Variants in SNED1 observed in about 807,000 individuals in gnomAD.
The protein encoded by SNED1 is sushi, nidogen and EGF-like domain-containing protein 1.
A neutral mutation model predicts 166.7 loss-of-function variants in SNED1; 81 were observed. The ratio of observed to expected loss-of-function variants is 0.49; its 90% CI spans 0.41 to 0.58. The LOEUF (loss-of-function observed/expected upper bound fraction) is 0.58, where lower values mean the gene tolerates loss of function less well. Among genes scored for constraint, SNED1 ranks in the 20% least tolerant of loss-of-function variants. SNED1 has a pLI of 0.00. For missense variants in SNED1, 1,604 were observed against 2,000.2 expected, an observed-to-expected ratio of 0.80 and a Z score of 3.78; for synonymous variants, 762 against 822.0, an observed-to-expected ratio of 0.93 and a Z score of 1.25.
chr2:241,087,764 T>C, intron 30 of SNED1: 3 of 1,165,388 alleles, frequency 2.6e-6, no homozygotes, highest in Middle Eastern at 3.1e-4. Context: ...AAGCACAGGG[T>C]GTTACGGACA....
intron 26 of SNED1, 89 bp downstream of exon 26, chr2:241,071,967 C>T (rs1354272328): frequency 6.5e-6 from 7 of 1,077,398 alleles, no homozygotes; most frequent in Non-Finnish European, 8.4e-6. Context: ...ACATGATGAG[C>T]CCACCCCCAC....
In SNED1 at chr2:241,071,785, CCT is replaced by C. The variant is rs1362335116; in HGVS notation, c.3735-6_3735-5del. ...GCTCGGACTGTGGTGACCCTCCCACCCTCTCTGCAGGTTCTCGGAGCTTGTGG... is the reference window on the plus strand; with the variant it reads ...GCTCGGACTGTGGTGACCCTCCCACCCTCTGCAGGTTCTCGGAGCTTGTGG... On this transcript the variant is annotated splice_polypyrimidine_tract_variant and intron_variant, in intron 25 of 31. Coordinates refer to ENST00000310397, the MANE Select transcript of SNED1 (RefSeq NM_001080437.3). 1.9e-6 allele frequency: 3 copies of C among 1,586,624 alleles called. No homozygotes were observed. The Admixed American group carries it at 5.1e-5, about 27-fold the overall frequency.
At position 241,049,083 on chromosome 2, in the gene SNED1, G is replaced by A. The variant is rs377075307; in HGVS notation, c.1566G>A (p.Glu522=). The A allele has an allele frequency of 6.2e-7, 1 of 1,613,408 alleles. No homozygotes were observed. ...GCCCAGATGGGGGCTACTGCATGGA[G>A]CACGGCGGGAGCTACCTCTGCGTCT... ...TQCPDGGYCM[E]HGGSYLCVCH... Residue 522 remains glutamate, a synonymous_variant, in exon 11 of 32, where the codon GAG becomes GAA. Transcript: ENST00000310397.
Position 241,051,657 on chromosome 2 carries a change from G to A in SNED1, c.1736-87G>A. 1 of 1,101,824 alleles carries A rather than the reference G, an allele frequency of 9.1e-7. No homozygotes were observed. Among genetic ancestry groups the A allele is most frequent in the Non-Finnish European group, 1.3e-6 (1 of 796,802 alleles). 68.3% of individuals were successfully genotyped at this position (1,101,824 alleles called of 1,614,324 possible). The stretch of plus-strand genomic sequence containing the variant: ...TCGAGAAGGCCCCACCAGCACCAGA[G>A]GACTGAGGAGATGCCAGGAGGGTAT... On this transcript the variant is annotated intron_variant, in intron 12 of 31. Coordinates refer to ENST00000310397, the MANE Select transcript of SNED1 (RefSeq NM_001080437.3). The surrounding 1 kb of genome is among the most constrained non-coding windows in gnomAD (Gnocchi z 4.7).
rs1249872156 is a variant in SNED1 at position 241,013,513 on chromosome 2, CTTT to C, written c.213+14468_213+14470del. On this transcript the variant is annotated intron_variant, in intron 1 of 31. Coordinates refer to ENST00000310397, the MANE Select transcript of SNED1 (RefSeq NM_001080437.3). The surrounding 1 kb of genome is among the most constrained non-coding windows in gnomAD (Gnocchi z 4.6). ...CCTCCAGCTATATTTTTTTATTTTT[CTTT>C]TTTTGTAGAGACAGGGTCTTGCTAT... 1.3e-5 allele frequency among the ~76,000 whole-genome samples: 2 copies of C among 151,696 alleles called. No individual in the cohort carries two copies. Among genetic ancestry groups the C allele is most frequent in the Non-Finnish European group, 2.9e-5 (2 of 67,906 alleles).
intron 1 of SNED1, among the ~76,000 whole-genome samples, chr2:241,008,071 C>T (rs930117254): frequency 1.3e-5 from 2 of 152,284 alleles, no homozygotes; most frequent in Admixed American, 1.3e-4. Context: ...ACCTGACTCA[C>T]TGAGCACAGC....
Position 241,018,396 on chromosome 2 carries a change from T to C in SNED1, c.214-11888T>C, listed in dbSNP as rs2060664272. Among the ~76,000 whole-genome samples the C allele has an allele frequency of 6.6e-6, 1 of 152,140 alleles. No homozygotes were observed. The highest frequency in any genetic ancestry group is 1.5e-5 in the Non-Finnish European group (1 of 68,012). On this transcript the variant is annotated intron_variant, in intron 1 of 31. Transcript: ENST00000310397. This position sits in a 1 kb window ranked among gnomAD's most constrained non-coding sequence, Gnocchi z 5.4. ...GCAGGTCAGGTTGCCAGCTCAGCAG[T>C]AGCCTGACTCAGGCAGGCCATGAGG...
intron 16 of SNED1, among the ~76,000 whole-genome samples, chr2:241,059,210 CAT>C (rs1171473901): frequency 6.6e-6 from 1 of 152,176 alleles, no homozygotes; most frequent in Non-Finnish European, 1.5e-5. Context: ...TAATAGAAAA[CAT>C]ATACAGCCTT....
At position 241,091,008 on chromosome 2, in the gene SNED1, A is replaced by G. The variant is rs2063938025; in HGVS notation, c.*2-630A>G. 6.6e-6 allele frequency among the ~76,000 whole-genome samples: 1 copy of G among 152,200 alleles called. No individual in the cohort carries two copies. Among genetic ancestry groups the G allele is most frequent in the Non-Finnish European group, 1.5e-5 (1 of 68,036 alleles). On this transcript the variant is annotated intron_variant, in intron 31 of 31. Coordinates refer to ENST00000310397, the MANE Select transcript of SNED1 (RefSeq NM_001080437.3). The surrounding 1 kb of genome is among the most constrained non-coding windows in gnomAD (Gnocchi z 4.1). ...GTACTAGGATTAAGAATCCACAAAC[A>G]TAATTTGGGTTTGAGATATTTATAC...
chr2:241,084,618 C>G (rs2063494911), intron 29 of SNED1, among the ~76,000 whole-genome samples: 2 of 152,202 alleles, frequency 1.3e-5, no homozygotes, highest in Non-Finnish European at 2.9e-5. Flanking sequence ...ATGCTGTGAA[C>G]TGCACTATAC....
intron 2 of SNED1, among the ~76,000 whole-genome samples, chr2:241,032,266 C>G (rs1236173099): frequency 6.6e-6 from 1 of 152,010 alleles, no homozygotes; most frequent in Non-Finnish European, 1.5e-5. Flanking sequence ...AGGAGAATTG[C>G]TTGAACCCGG....
intron 8 of SNED1, among the ~76,000 whole-genome samples, chr2:241,042,986 C>T (rs567666124): frequency 6.6e-6 from 1 of 151,176 alleles, no homozygotes; most frequent in South Asian, 2.1e-4. Flanking sequence ...AGAACAGTAT[C>T]AAGCAGCCTG....
rs890617210 is a variant in SNED1, at chr2:240,999,490, G to T, written c.213+440G>T. ...CCCCTCCTTGGGCCATTTCAGCCCC[G>T]CCCCCCGTGGACGCCAGTGCGGCCC... On this transcript the variant is annotated intron_variant, in intron 1 of 31. Transcript: ENST00000310397. This position sits in a 1 kb window ranked among gnomAD's most constrained non-coding sequence, Gnocchi z 5.8. Among the ~76,000 whole-genome samples the T allele has an allele frequency of 3.3e-5, 5 of 152,148 alleles. No homozygotes were observed. The highest frequency in any genetic ancestry group is 1.2e-4 in the African/African-American group (5 of 41,426).
Position 241,030,284 on chromosome 2 carries a change from G to C in SNED1, c.214G>C (p.Val72Leu). The change falls in exon 2 of 32, where the codon GTG becomes CTG. Residue 72 changes from valine (V) to leucine (L), a missense_variant and splice_region_variant. Physicochemically the swap from Val to Leu is conservative, Grantham distance 32 (BLOSUM62 1). Coordinates refer to ENST00000310397, the MANE Select transcript of SNED1 (RefSeq NM_001080437.3). The part of the protein sequence containing the change: ...FFGAEHSGLY[V>L]NNNGIISFLK... ...CCCGCTCTGGCTTTCTGCCTCCCAG[G>C]TGAACAACAACGGGATCATCTCCTT... The C allele has an allele frequency of 6.3e-7, 1 of 1,576,330 alleles. No homozygotes were observed. Among genetic ancestry groups the C allele is most frequent in the East Asian group, 2.3e-5 (1 of 43,256 alleles).
At chr2:241,031,038 C>T (rs1207289536) in intron 2 of SNED1, among the ~76,000 whole-genome samples, 1 of 152,216 alleles carries the variant, frequency 6.6e-6, no homozygotes, top group African/African-American at 2.4e-5. Context: ...ATTTACTCAG[C>T]ACCTACTGTG....
chr2:241,082,398 T>C (rs1477249053), intron 29 of SNED1, 34 bp downstream of exon 29: 2 of 1,543,960 alleles, frequency 1.3e-6, no homozygotes, highest in African/African-American at 1.4e-5. Flanking sequence ...CTTACCGCAT[T>C]TGTCGTGTGT....
intron 16 of SNED1, among the ~76,000 whole-genome samples, chr2:241,060,062 T>C (rs978875131): frequency 1.3e-5 from 2 of 152,188 alleles, no homozygotes; most frequent in African/African-American, 4.8e-5. Flanking sequence ...GGTCAGTATA[T>C]AGAACCTGTT....
At chr2:241,065,166 C>CAAAG in intron 20 of SNED1, 133 bp from the exon 21 acceptor site, 1 of 974,036 alleles carries the variant, frequency 1.0e-6, no homozygotes, top group East Asian at 2.6e-5. Flanking sequence ...TGGCCAGGGA[C>CAAAG]AAAGAAGGAC....
chr2:241,086,993 A>G (rs2063615029), intron 29 of SNED1: 1 of 163,862 alleles, frequency 6.1e-6, no homozygotes, highest in African/African-American at 2.4e-5. Context: ...CGAATCCCCA[A>G]CACTCCTCAA....
Sources: allele counts gnomAD v4.1 joint callset (sites outside exome capture counted in the v4.1 genomes callset), GRCh38; gene constraint gnomAD v4.1.1; non-coding constraint Gnocchi (gnomAD v3.1); transcripts MANE v1.5; gene names NCBI Gene and HGNC (gene_info 2026-07-23, HGNC 2026-07-21).